Variants in SUPT5H observed in about 807,000 individuals in gnomAD.
SUPT5H encodes SPT5 homolog, DSIF elongation factor subunit, also known as transcription elongation factor SPT5.
Under a neutral mutation model 142.5 loss-of-function variants are expected in SUPT5H, and 24 were observed. The ratio of observed to expected loss-of-function variants is 0.17; its 90% CI spans 0.12 to 0.24. SUPT5H has a LOEUF of 0.24. SUPT5H is among the 10% of genes least tolerant of loss of function. The pLI is 1.00. For missense variants in SUPT5H, 893 were observed against 1,471.8 expected (o/e 0.61, Z 6.43); for synonymous variants, 546 against 553.0 (o/e 0.99, Z 0.18).
intron 10 of SUPT5H, among the ~76,000 whole-genome samples, chr19:39,461,913 C>T (rs980914019): frequency 2.0e-5 from 3 of 151,472 alleles, no homozygotes; most frequent in African/African-American, 4.8e-5. Flanking sequence ...ATTCTAGTTA[C>T]TTCATTTGAG....
rs780898409 is a variant in SUPT5H, at chr19:39,471,619, G to A, written c.1839G>A (p.Glu613=). The A allele has an allele frequency of 6.2e-7, 1 of 1,614,222 alleles. No homozygotes were observed. The highest frequency in any genetic ancestry group is 8.5e-7 in the Non-Finnish European group (1 of 1,180,042). Residue 613 remains glutamate, a synonymous_variant, in exon 20 of 30, where the codon GAG becomes GAA. Transcript: ENST00000432763. ...TCCCCGGCTAGGGCCGAGAAGGGGA[G>A]ATTCGCCATCTCTTCCGAAGCTTCG... ...IDGPHSGREG[E]IRHLFRSFAF...
chr19:39,453,574 G>C, intron 3 of SUPT5H, 53 bp downstream of exon 3: 2 of 1,439,388 alleles, frequency 1.4e-6, no homozygotes, highest in Non-Finnish European at 9.2e-7. Flanking sequence ...TCTACTTTTA[G>C]TTCCATTTCT....
rs544405364 is a variant in SUPT5H, at chr19:39,466,386, G to C, written c.877-94G>C. The C allele has an allele frequency of 1.7e-6, 2 of 1,190,308 alleles. No individual in the cohort carries two copies. The highest frequency in any genetic ancestry group is 1.8e-5 in the Admixed American group (1 of 55,880). The allele number at this position is 1,190,308 out of a possible 1,614,324, so 73.7% of individuals were successfully genotyped here. On this transcript the variant is annotated intron_variant, in intron 11 of 29. Coordinates refer to ENST00000432763, the MANE Select transcript of SUPT5H (RefSeq NM_001111020.3). The surrounding 1 kb of genome is among the most constrained non-coding windows in gnomAD (Gnocchi z 4.3). ...CCTGGTTTCTTCCCCACCATCCTGC[G>C]TCCCTTCTCCTTCCTAGCATCTCCT...
Position 39,476,660 on chromosome 19 carries a change from T to G in SUPT5H, c.*261T>G. On this transcript the variant is annotated 3_prime_UTR_variant, in exon 30 of 30. Coordinates refer to ENST00000432763, the MANE Select transcript of SUPT5H (RefSeq NM_001111020.3). ...CCGTCTTTCAATAAAAAGAAGCTGT[T>G]TGGTCTAAAAGTGCGTGTGTGTGTG... The G allele has an allele frequency of 2.0e-6, 1 of 512,182 alleles. No homozygotes were observed. Among genetic ancestry groups the G allele is most frequent in the South Asian group, 2.2e-5 (1 of 44,992 alleles). 31.7% of individuals were successfully genotyped at this position (512,182 alleles called of 1,614,324 possible). A position where few individuals can be genotyped will look rare whatever the true frequency, so the allele number is the denominator to read the frequency against.
At chr19:39,461,496 A>G (rs1272070769) in intron 10 of SUPT5H, among the ~76,000 whole-genome samples, 8 of 152,090 alleles carry the variant, frequency 5.3e-5, no homozygotes, top group Admixed American at 2.0e-4. Flanking sequence ...CCTGGACATC[A>G]TAGTGACATA....
rs763325896 is a variant in SUPT5H, at chr19:39,473,136, G to T, written c.2258+22G>T. The T allele has an allele frequency of 1.2e-6, 2 of 1,611,962 alleles. No individual in the cohort carries two copies. Among genetic ancestry groups the T allele is most frequent in the South Asian group, 1.1e-5 (1 of 91,072 alleles). Reference sequence around the variant, plus strand: ...CGGTGTACGGGCGGGGCCTGGGGAGGGCCAGGGTGGGGCTTGCTAGGCAGT... The same window carrying T: ...CGGTGTACGGGCGGGGCCTGGGGAGTGCCAGGGTGGGGCTTGCTAGGCAGT... On this transcript the variant is annotated intron_variant, in intron 23 of 29. Coordinates refer to ENST00000432763, the MANE Select transcript of SUPT5H (RefSeq NM_001111020.3). This position sits in a 1 kb window ranked among gnomAD's most constrained non-coding sequence, Gnocchi z 5.8.
chr19:39,456,259 T>C (rs1405103674), intron 3 of SUPT5H, among the ~76,000 whole-genome samples: 1 of 150,528 alleles, frequency 6.6e-6, no homozygotes, highest in South Asian at 2.1e-4. Context: ...AGACAGGATC[T>C]CACTCCGTTT....
chr19:39,455,591 G>GGCGGGGTGGATTACAT (rs1285819561), intron 3 of SUPT5H, among the ~76,000 whole-genome samples: 1 of 151,598 alleles, frequency 6.6e-6, no homozygotes, highest in African/African-American at 2.4e-5. Flanking sequence ...ACATAGTGGT[G>GGCGGGGTGGATTACAT]GCGGGGTGGA....
Position 39,466,459 on chromosome 19 carries a change from CCTT to C in SUPT5H, c.877-18_877-16del, listed in dbSNP as rs2079237562. Reference sequence around the variant, plus strand: ...AGGGAGGAGAGTGGGGCCCTGCTGACCTTCTGCTCGCCCTGCTCAGGTGGACTA... The same window carrying C: ...AGGGAGGAGAGTGGGGCCCTGCTGACCTGCTCGCCCTGCTCAGGTGGACTA... On this transcript the variant is annotated intron_variant, in intron 11 of 29. Transcript: ENST00000432763. The surrounding 1 kb of genome is among the most constrained non-coding windows in gnomAD (Gnocchi z 4.3). 6.2e-7 allele frequency: 1 copy of C among 1,612,162 alleles called. No individual in the cohort carries two copies.
Position 39,458,392 on chromosome 19 carries a change from C to T in SUPT5H, c.319+87C>T. ...CTGAGGCACCTGCCCTCACCGGTAGCCTCCCCACCAGCCCCGGTCTGGCCC... is the reference window on the plus strand; with the variant it reads ...CTGAGGCACCTGCCCTCACCGGTAGTCTCCCCACCAGCCCCGGTCTGGCCC... On this transcript the variant is annotated intron_variant, in intron 5 of 29. Transcript: ENST00000432763. This position sits in a 1 kb window ranked among gnomAD's most constrained non-coding sequence, Gnocchi z 4.2. 5.0e-6 allele frequency: 8 copies of T among 1,595,458 alleles called. No homozygotes were observed. The highest frequency in any genetic ancestry group is 6.8e-6 in the Non-Finnish European group (8 of 1,170,762).
Position 39,470,323 on chromosome 19 carries a change from C to A in SUPT5H, c.1530+49C>A, listed in dbSNP as rs1461532252. On this transcript the variant is annotated intron_variant, in intron 17 of 29. Coordinates refer to ENST00000432763, the MANE Select transcript of SUPT5H (RefSeq NM_001111020.3). This position sits in a 1 kb window ranked among gnomAD's most constrained non-coding sequence, Gnocchi z 5.8. The stretch of plus-strand genomic sequence containing the variant: ...AAGGGTGCACGTGCCAAGAGGAGAC[C>A]CAGGTAGGCGAGCCACCTGGACTGG... The A allele has an allele frequency of 5.2e-6, 8 of 1,541,660 alleles. No individual in the cohort carries two copies. In the East Asian group the frequency reaches 1.9e-4, roughly 36 times the overall value.
chr19:39,446,933 G>A (rs1175502871), intron 2 of SUPT5H, among the ~76,000 whole-genome samples: 2 of 152,206 alleles, frequency 1.3e-5, no homozygotes, highest in Non-Finnish European at 2.9e-5. Flanking sequence ...GCTTGAACCA[G>A]GGAGGTGGAG....
chr19:39,471,536 TGAAA>T, intron 19 of SUPT5H, 33 bp downstream of exon 19: 1 of 1,613,930 alleles, frequency 6.2e-7, no homozygotes, highest in Non-Finnish European at 8.5e-7. Flanking sequence ...GAGCTGCATC[TGAAA>T]GAATTTGGTT....
chr19:39,469,998 G>T lies in SUPT5H; in HGVS notation c.1375-121G>T. 7.6e-7 allele frequency: 1 copy of T among 1,308,718 alleles called. No homozygotes were observed. The highest frequency in any genetic ancestry group is 2.0e-5 in the Admixed American group (1 of 49,296). The allele number at this position is 1,308,718 out of a possible 1,614,324, so 81.1% of individuals were successfully genotyped here. ...CAGGTGGACTAAGGTAGTCTGGGGTGGGTGGTAAGAGCCTGAAGTGGGGTT... is the reference window on the plus strand; with the variant it reads ...CAGGTGGACTAAGGTAGTCTGGGGTTGGTGGTAAGAGCCTGAAGTGGGGTT... On this transcript the variant is annotated intron_variant, in intron 16 of 29. Coordinates refer to ENST00000432763, the MANE Select transcript of SUPT5H (RefSeq NM_001111020.3). This position sits in a 1 kb window ranked among gnomAD's most constrained non-coding sequence, Gnocchi z 5.1.
At position 39,474,280 on chromosome 19, in the gene SUPT5H, G is replaced by A. The variant is rs1346597772; in HGVS notation, c.2698G>A (p.Gly900Ser). The change falls in exon 27 of 30, where the codon GGT becomes AGT. Residue 900 changes from glycine (G) to serine (S), a missense_variant. Around this residue, in one of 6 missense-constraint regions of SUPT5H, gnomAD observed 336 missense variants for 546.5 expected, o/e 0.61. Coordinates refer to ENST00000432763, the MANE Select transcript of SUPT5H (RefSeq NM_001111020.3). This position sits in a 1 kb window ranked among gnomAD's most constrained non-coding sequence, Gnocchi z 6.5. ...TCCCTATGCTGCCCCCTCCCCACAA[G>A]GTTCCTACCAGCCCAGCCCCAGCCC... is the stretch of plus-strand genomic sequence containing the variant. ...FSPYAAPSPQGSYQPSPSPQS... is the reference protein window; with the variant it reads ...FSPYAAPSPQSSYQPSPSPQS... The A allele has an allele frequency of 3.1e-6, 5 of 1,613,848 alleles. 1 individual carries two copies. The South Asian group carries it at 3.3e-5, about 11-fold the overall frequency.
Position 39,459,886 on chromosome 19 carries a change from T to C in SUPT5H, c.556-6T>C. 1.2e-6 allele frequency: 2 copies of C among 1,614,178 alleles called. No homozygotes were observed. The highest frequency in any genetic ancestry group is 1.7e-6 in the Non-Finnish European group (2 of 1,180,010). On this transcript the variant is annotated splice_region_variant and splice_polypyrimidine_tract_variant and intron_variant, in intron 9 of 29. Coordinates refer to ENST00000432763, the MANE Select transcript of SUPT5H (RefSeq NM_001111020.3). ...ATCTCTCTCAAATCTGCCTCTCATC[T>C]TCCAGATTGGGGAGGAACGGGCCAC...
chr19:39,462,151 C>T (rs1393918435), intron 10 of SUPT5H, among the ~76,000 whole-genome samples: 1 of 152,096 alleles, frequency 6.6e-6, no homozygotes, highest in East Asian at 1.9e-4. Flanking sequence ...TCAAGTGATC[C>T]ACCCGCCTTG....
chr19:39,463,680 A>G (rs1395127184), intron 10 of SUPT5H, among the ~76,000 whole-genome samples: 2 of 152,200 alleles, frequency 1.3e-5, no homozygotes, highest in Non-Finnish European at 2.9e-5. Context: ...GGTGGCTTAC[A>G]GTGTTGCTCA....
At position 39,472,534 on chromosome 19, in the gene SUPT5H, G is replaced by A. The variant is rs1241386345; in HGVS notation, c.2035+41G>A. On this transcript the variant is annotated intron_variant, in intron 21 of 29. Coordinates refer to ENST00000432763, the MANE Select transcript of SUPT5H (RefSeq NM_001111020.3). The surrounding 1 kb of genome is among the most constrained non-coding windows in gnomAD (Gnocchi z 4.2). ...GGTCAGGGGATGTGGTGGGTAGAAG[G>A]GGCTGGAAGGAACTTGGTTGTTCAG... The A allele has an allele frequency of 1.2e-6, 2 of 1,605,338 alleles. No individual in the cohort carries two copies. The highest frequency in any genetic ancestry group is 8.5e-7 in the Non-Finnish European group (1 of 1,173,098).
Sources: allele counts gnomAD v4.1 joint callset (sites outside exome capture counted in the v4.1 genomes callset), GRCh38; gene constraint gnomAD v4.1.1; regional missense constraint gnomAD v4.1.1; non-coding constraint Gnocchi (gnomAD v3.1); transcripts MANE v1.5; gene names NCBI Gene and HGNC (gene_info 2026-07-23, HGNC 2026-07-21).